Variants in SNURF observed in about 807,000 individuals in gnomAD.
SNURF encodes the protein SNURF protein.
SNURF carries 6 observed loss-of-function variants against 11.6 expected under a neutral mutation model. The ratio of observed to expected loss-of-function variants is 0.52; its 90% confidence interval spans 0.28 to 1.02. SNURF has a LOEUF of 1.02. Ranked by LOEUF, SNURF falls within the 50% of genes least tolerant of loss-of-function variation. The pLI is 0.09. For missense variants in SNURF, 84 were observed against 88.4 expected (o/e 0.95, Z 0.20); for synonymous variants, 29 against 31.6 (o/e 0.92, Z 0.27).
At chr15:24,963,910 T>C (rs2075238891) in intron 2 of SNURF, among the ~76,000 whole-genome samples, 1 of 151,988 alleles carries the variant, frequency 6.6e-6, no homozygotes, top group African/African-American at 2.4e-5. Context: ...TGTCTACCTG[T>C]AGTCTCAGCT....
At chr15:24,978,700 A>AT, downstream of SNURF, 1 of 526,856 alleles carries the variant, frequency 1.9e-6, no homozygotes, top group East Asian at 3.1e-5. Flanking sequence ...AATTCTTAGG[A>AT]TAAAAAGGTT....
At chr15:24,955,603 TG>T (rs372025670) in intron 1 of SNURF, among the ~76,000 whole-genome samples, 1,897 of 87,528 alleles carry the variant, frequency 0.022, 20 homozygotes, top group Non-Finnish European at 0.032. Flanking sequence ...GTGGGGCGAC[TG>T]GGGGGGGAAT....
At chr15:24,975,001 G>A (rs755486003) in intron 3 of SNURF, 3 of 702,802 alleles carry the variant, frequency 4.3e-6, no homozygotes, top group Non-Finnish European at 5.2e-6. Context: ...AAATGGAAGG[G>A]TTTTGGCATT....
At chr15:24,976,937 G>T in exon 6 of SNURF, 1 of 1,608,604 alleles carries the variant, frequency 6.2e-7, no homozygotes, top group Non-Finnish European at 8.5e-7. Flanking sequence ...TGGTAGGGCA[G>T]CTGGTAGAGG....
downstream of SNURF, among the ~76,000 whole-genome samples, chr15:24,969,321 GT>G (rs1341134957): frequency 6.6e-6 from 1 of 152,006 alleles, no homozygotes; most frequent in Non-Finnish European, 1.5e-5. Flanking sequence ...TAGAGACGGG[GT>G]TTCACCATGT....
chr15:24,974,361 A>G (rs2076819920), intron 3 of SNURF: 11 of 1,172,226 alleles, frequency 9.4e-6, no homozygotes, highest in Non-Finnish European at 1.3e-6. Context: ...TTTCTAGGAG[A>G]ACCTGCGTCA....
chr15:24,971,322 C>G (rs79244395), downstream of SNURF, among the ~76,000 whole-genome samples: 2,704 of 152,156 alleles, frequency 0.018, 77 homozygotes, highest in African/African-American at 0.062. Context: ...TTTTCTTGTG[C>G]TGTAAAGATA....
intron 1 of SNURF, among the ~76,000 whole-genome samples, chr15:24,956,358 G>C (rs1180207941): frequency 1.3e-5 from 2 of 151,572 alleles, no homozygotes; most frequent in African/African-American, 2.4e-5. Context: ...CTTCAGCGGG[G>C]GGGTGGCCGC....
chr15:24,955,009 G>A (rs1006712908), exon 1 of SNURF: 2 of 1,612,004 alleles, frequency 1.2e-6, no homozygotes, highest in Non-Finnish European at 1.7e-6. Flanking sequence ...GGCCGCCGGA[G>A]ATGCCTGACG....
chr15:24,977,835 A>G (rs748700221), exon 7 of SNURF: 5 of 1,613,588 alleles, frequency 3.1e-6, no homozygotes, highest in Non-Finnish European at 4.2e-6. Flanking sequence ...TGCGACTGCC[A>G]GTATTGCTGG....
intron 2 of SNURF, among the ~76,000 whole-genome samples, chr15:24,964,578 G>A (rs1364679907): frequency 6.6e-6 from 1 of 152,266 alleles, no homozygotes; most frequent in East Asian, 1.9e-4. Context: ...GATTACAGGT[G>A]TGAGCCACTG....
At chr15:24,977,854 C>T, downstream of SNURF, 1 of 1,613,636 alleles carries the variant, frequency 6.2e-7, no homozygotes, top group Non-Finnish European at 8.5e-7. Context: ...GGAGCCCCAA[C>T]ACAGTACCCA....
chr15:24,964,968 G>T (rs1401061870), intron 2 of SNURF, among the ~76,000 whole-genome samples: 1 of 152,164 alleles, frequency 6.6e-6, no homozygotes, highest in Non-Finnish European at 1.5e-5. Flanking sequence ...TGAGTTGGGG[G>T]AATGATCTGA....
chr15:24,966,829 T>A lies in SNURF; in HGVS notation c.111-1103T>A, dbSNP rs1216104285. 2.6e-5 allele frequency among the ~76,000 whole-genome samples: 4 copies of A among 152,186 alleles called. No individual in the cohort carries two copies. In the East Asian group the frequency reaches 7.7e-4, roughly 29 times the overall value. On this transcript the variant is annotated intron_variant, in intron 2 of 2. Coordinates refer to ENST00000577949, the Ensembl canonical transcript of SNURF. ...TACATGCCAACAAGGGCAGCATTGTTGGTGATCCCCCAGCTCCTCACCTCA... is the reference window on the plus strand; with the variant it reads ...TACATGCCAACAAGGGCAGCATTGTAGGTGATCCCCCAGCTCCTCACCTCA...
At chr15:24,976,439 C>G in intron 5 of SNURF, 1 of 1,491,922 alleles carries the variant, frequency 6.7e-7, no homozygotes, top group Non-Finnish European at 9.3e-7. Flanking sequence ...TAGGGCAGGA[C>G]AGAACTTTAA....
chr15:24,962,018 A>T, intron 1 of SNURF, 96 bp from the exon 2 acceptor site: 1 of 1,032,646 alleles, frequency 9.7e-7, no homozygotes, highest in East Asian at 2.5e-5. Context: ...TTAAAAATCC[A>T]TTATATTAAA....
At chr15:24,962,653 G>T (rs1258867733) in intron 2 of SNURF, among the ~76,000 whole-genome samples, 1 of 151,954 alleles carries the variant, frequency 6.6e-6, no homozygotes, top group African/African-American at 2.4e-5. Context: ...TTTTTATCCT[G>T]TTTTAAGTAT....
At chr15:24,968,374 T>TA in exon 3 of SNURF, 1 of 208,470 alleles carries the variant, frequency 4.8e-6, no homozygotes, top group Non-Finnish European at 9.8e-6. Flanking sequence ...AATACCCTGT[T>TA]ACTGAATGTT....
intron 1 of SNURF, among the ~76,000 whole-genome samples, chr15:24,956,701 G>A (rs149810760): frequency 6.6e-6 from 1 of 152,196 alleles, no homozygotes; most frequent in African/African-American, 2.4e-5. Flanking sequence ...GCGCAGTAGA[G>A]GGGGGAGGAG....
Sources: gnomAD v4.1 joint callset for allele counts (sites outside exome capture counted in the v4.1 genomes callset) on GRCh38, gnomAD v4.1.1 for gene constraint, MANE v1.5 for transcripts, NCBI Gene and HGNC (gene_info 2026-07-23, HGNC 2026-07-21) for gene names.